Variants in TYW1B observed in about 807,000 individuals in gnomAD.
TYW1B encodes tRNA-yW synthesizing protein 1 homolog B.
In TYW1B, 73 loss-of-function variants were observed where a neutral mutation model predicts 86.9. The ratio of observed to expected loss-of-function variants is 0.84; its 90% CI spans 0.70 to 1.02. The LOEUF (loss-of-function observed/expected upper bound fraction) is 1.02. TYW1B is among the 50% of genes least tolerant of loss of function. The probability of loss-of-function intolerance (pLI) is 0.00; values close to 1 mark genes in which losing one functional copy is unlikely to be tolerated. For missense variants in TYW1B, 637 were observed against 827.4 expected, an observed-to-expected ratio of 0.77 and a Z score of 2.82; for synonymous variants, 248 against 292.8, an observed-to-expected ratio of 0.85 and a Z score of 1.56.
chr7:72,637,067 T>A (rs1812686383), intron 11 of TYW1B, among the ~76,000 whole-genome samples: 1 of 152,066 alleles, frequency 6.6e-6, no homozygotes, highest in Admixed American at 6.5e-5. Context: ...GAGGTTGCAG[T>A]GAGCTGAGAT....
chr7:72,632,414 T>TATATATATATAATATATATATAC (rs1563038830), intron 11 of TYW1B, among the ~76,000 whole-genome samples: 13 of 107,086 alleles, frequency 1.2e-4, no homozygotes, highest in East Asian at 8.8e-4. Context: ...TATATATACA[T>TATATATATATAATATATATATAC]ATATATATAA....
At chr7:72,815,068 CAAAAAAA>C (rs576240918) in intron 3 of TYW1B, among the ~76,000 whole-genome samples, 6 of 73,110 alleles carry the variant, frequency 8.2e-5, no homozygotes, top group Non-Finnish European at 1.4e-4. Flanking sequence ...GACTCCATCT[CAAAAAAA>C]AAAAAAAAAA....
chr7:72,780,417 T>G (rs183258727), intron 6 of TYW1B, among the ~76,000 whole-genome samples: 2 of 152,318 alleles, frequency 1.3e-5, no homozygotes, highest in African/African-American at 4.8e-5. Flanking sequence ...ATGGCAGTAT[T>G]TGCCCTCAAA....
chr7:72,711,473 C>CT lies in TYW1B; in HGVS notation c.1370+2147dup, dbSNP rs59438928. Among the ~76,000 whole-genome samples, 200 of 56,944 alleles carry CT rather than the reference C, an allele frequency of 3.5e-3. 55 individuals carry two copies. The highest frequency in any genetic ancestry group is 9.5e-3 in the African/African-American group (130 of 13,724). 37.4% of individuals were successfully genotyped at this position (56,944 alleles called of 152,430 possible). ...CTTCGTGTTTCTCTCCTCTTTAATT[C>CT]TTTTTTTTTTTTTTTTTTTTTTTTT... On this transcript the variant is annotated intron_variant, in intron 10 of 13. Transcript: ENST00000620995.
chr7:72,585,676 G>C (rs1216848443), intron 13 of TYW1B, among the ~76,000 whole-genome samples: 1 of 152,098 alleles, frequency 6.6e-6, no homozygotes, highest in Non-Finnish European at 1.5e-5. Context: ...TACGAAGGGG[G>C]GTTTCCCTGC....
At chr7:72,794,820 CTTTTTT>C in intron 6 of TYW1B, among the ~76,000 whole-genome samples, 1 of 139,152 alleles carries the variant, frequency 7.2e-6, no homozygotes, top group Admixed American at 7.3e-5. Context: ...CCCCACTTTT[CTTTTTT>C]TTTTTTTTTG....
At chr7:72,709,116 A>G (rs1160677678) in intron 10 of TYW1B, among the ~76,000 whole-genome samples, 1 of 152,214 alleles carries the variant, frequency 6.6e-6, no homozygotes, top group Non-Finnish European at 1.5e-5. Flanking sequence ...CCAGACTTCC[A>G]TTATCAGAAA....
At chr7:72,585,471 A>G (rs1811251863) in intron 13 of TYW1B, among the ~76,000 whole-genome samples, 2 of 152,192 alleles carry the variant, frequency 1.3e-5, no homozygotes, top group African/African-American at 4.8e-5. Flanking sequence ...CAGAACCTTT[A>G]GGAAAAAGCC....
chr7:72,678,196 T>A (rs1813778619), intron 11 of TYW1B, among the ~76,000 whole-genome samples: 2 of 151,976 alleles, frequency 1.3e-5, no homozygotes, highest in Non-Finnish European at 2.9e-5. Flanking sequence ...GCTTTCACAG[T>A]TGAAAGGAAA....
intron 10 of TYW1B, among the ~76,000 whole-genome samples, chr7:72,706,543 G>A (rs1223001205): frequency 6.6e-6 from 1 of 151,506 alleles, no homozygotes; most frequent in African/African-American, 2.4e-5. Context: ...CTTACTCAAA[G>A]TGATATGCTT....
intron 6 of TYW1B, among the ~76,000 whole-genome samples, chr7:72,790,186 T>G: frequency 6.6e-6 from 1 of 151,844 alleles, no homozygotes; most frequent in East Asian, 1.9e-4. Context: ...CCTCAGGTGA[T>G]CCACCTGCCT....
intron 13 of TYW1B, among the ~76,000 whole-genome samples, chr7:72,591,951 G>C (rs1554431568): frequency 6.6e-6 from 1 of 151,682 alleles, no homozygotes; most frequent in Admixed American, 6.6e-5. Context: ...AGCCTCCCGA[G>C]TAGCTGGGAA....
intron 13 of TYW1B, among the ~76,000 whole-genome samples, chr7:72,597,775 A>G (rs1811572307): frequency 6.6e-6 from 1 of 152,196 alleles, no homozygotes; most frequent in African/African-American, 2.4e-5. Flanking sequence ...ACACATTACA[A>G]AAAATGATTC....
In TYW1B at chr7:72,689,809, T is replaced by G. The variant is rs73135151; in HGVS notation, c.1506+4878A>C. Among the ~76,000 whole-genome samples the G allele has an allele frequency of 6.9e-3, 1,053 of 152,370 alleles. 6 individuals are homozygous for G. Among genetic ancestry groups the G allele is most frequent in the Non-Finnish European group, 0.012 (787 of 68,036 alleles). Reference sequence around the variant, plus strand: ...AGGTATTTCTTTCCTTGCTTCTTTGTATTTCTCTTTACTTCCCCCAAATTT... The same window carrying G: ...AGGTATTTCTTTCCTTGCTTCTTTGGATTTCTCTTTACTTCCCCCAAATTT... On this transcript the variant is annotated intron_variant, in intron 11 of 13. Coordinates refer to ENST00000620995, the MANE Select transcript of TYW1B (RefSeq NM_001145440.3).
chr7:72,607,594 G>T (rs1454113782), intron 13 of TYW1B, among the ~76,000 whole-genome samples: 2 of 151,860 alleles, frequency 1.3e-5, no homozygotes, highest in Non-Finnish European at 2.9e-5. Context: ...ATAATAAATG[G>T]TTCAACAGAA....
intron 13 of TYW1B, among the ~76,000 whole-genome samples, chr7:72,616,208 G>A (rs2129568400): frequency 6.6e-6 from 1 of 152,128 alleles, no homozygotes; most frequent in African/African-American, 2.4e-5. Context: ...ACTAAAGGGG[G>A]AAAAATGGAA....
chr7:72,699,731 C>T lies in TYW1B; in HGVS notation c.1371-4909G>A, dbSNP rs183436171. On this transcript the variant is annotated intron_variant, in intron 10 of 13. Transcript: ENST00000620995. Reference sequence around the variant, plus strand: ...GGGGCGTGATCTCGGCTCACCACAACCTCCACCTCCCGGGTTCAAGCAATT... The same window carrying T: ...GGGGCGTGATCTCGGCTCACCACAATCTCCACCTCCCGGGTTCAAGCAATT... 6.0e-3 allele frequency among the ~76,000 whole-genome samples: 915 copies of T among 152,006 alleles called. 11 individuals carry two copies. The highest frequency in any genetic ancestry group is 0.021 in the African/African-American group (868 of 41,462).
chr7:72,828,163 C>G lies in TYW1B; in HGVS notation c.-88G>C. 2 of 1,593,584 alleles carry G rather than the reference C, an allele frequency of 1.3e-6. No homozygotes were observed. The highest frequency in any genetic ancestry group is 8.5e-7 in the Non-Finnish European group (1 of 1,170,062). ...TACTGCGAGACGCACCGAGCTACCT[C>G]GCGGCGTTAGCGCCGTACCGAGTGG... On this transcript the variant is annotated 5_prime_UTR_variant, in exon 1 of 14. Coordinates refer to ENST00000620995, the MANE Select transcript of TYW1B (RefSeq NM_001145440.3).
chr7:72,672,236 G>A (rs1813624420), intron 11 of TYW1B, among the ~76,000 whole-genome samples: 1 of 151,946 alleles, frequency 6.6e-6, no homozygotes, highest in Non-Finnish European at 1.5e-5. Context: ...CTCCAGCCAT[G>A]TGGAACTGTA....
Sources: gnomAD v4.1 joint callset for allele counts (sites outside exome capture counted in the v4.1 genomes callset) on GRCh38, gnomAD v4.1.1 for gene constraint, MANE v1.5 for transcripts, NCBI Gene and HGNC (gene_info 2026-07-23, HGNC 2026-07-21) for gene names.